Variants in TAFA1 observed in about 807,000 individuals in gnomAD.
TAFA1 encodes the protein TAFA chemokine like family member 1, also known as chemokine-like protein TAFA-1.
In TAFA1, 4 loss-of-function variants were observed where a neutral mutation model predicts 18.5. The observed-to-expected ratio is 0.22, with a 90% CI of 0.11 to 0.49. The LOEUF is 0.49. TAFA1 is among the 20% of genes least tolerant of loss of function. The pLI is 0.98. For missense variants in TAFA1, 147 were observed against 169.0 expected, an observed-to-expected ratio of 0.87 and a Z score of 0.72; for synonymous variants, 56 against 55.2, an observed-to-expected ratio of 1.01 and a Z score of -0.06.
chr3:68,376,167 AAAAGGGAC>A (rs1231565532), intron 2 of TAFA1, among the ~76,000 whole-genome samples: 2 of 152,118 alleles, frequency 1.3e-5, no homozygotes, highest in East Asian at 3.9e-4. Context: ...TCTTGAGCTG[AAAAGGGAC>A]ATTTCATTGC....
chr3:68,143,003 T>C (rs2065689256), intron 2 of TAFA1, among the ~76,000 whole-genome samples: 1 of 152,138 alleles, frequency 6.6e-6, no homozygotes, highest in Non-Finnish European at 1.5e-5. Flanking sequence ...TCGATTGCTC[T>C]GGAAGACTCT....
chr3:68,316,318 A>C (rs2068604489), intron 2 of TAFA1, among the ~76,000 whole-genome samples: 1 of 152,204 alleles, frequency 6.6e-6, no homozygotes, highest in African/African-American at 2.4e-5. Flanking sequence ...TGGTTAAATA[A>C]ATTTAGAATG....
chr3:68,115,597 G>A (rs1379254131), intron 2 of TAFA1, among the ~76,000 whole-genome samples: 1 of 152,170 alleles, frequency 6.6e-6, no homozygotes, highest in Non-Finnish European at 1.5e-5. Flanking sequence ...ACCCACATTA[G>A]CTAAGGTGCT....
At chr3:68,477,529 C>T (rs2072124562) in intron 3 of TAFA1, among the ~76,000 whole-genome samples, 1 of 152,062 alleles carries the variant, frequency 6.6e-6, no homozygotes, top group Non-Finnish European at 1.5e-5. Flanking sequence ...CATGTGCCAA[C>T]ATGCTTGGCT....
intron 2 of TAFA1, among the ~76,000 whole-genome samples, chr3:68,398,614 T>C (rs1325566428): frequency 6.6e-6 from 1 of 152,182 alleles, no homozygotes; most frequent in Non-Finnish European, 1.5e-5. Context: ...CTCATTAACC[T>C]GAATATAGTT....
chr3:68,474,784 C>T (rs1441639342), intron 3 of TAFA1, among the ~76,000 whole-genome samples: 1 of 152,160 alleles, frequency 6.6e-6, no homozygotes, highest in African/African-American at 2.4e-5. Context: ...CACAAATCAT[C>T]ACTAATATAT....
intron 2 of TAFA1, among the ~76,000 whole-genome samples, chr3:68,146,241 A>G (rs2065738885): frequency 6.6e-6 from 1 of 152,178 alleles, no homozygotes; most frequent in Admixed American, 6.5e-5. Flanking sequence ...GGACCCTGAG[A>G]TTCTGCCATT....
rs751721681 is a variant in TAFA1 at position 68,196,040 on chromosome 3, GA to G, written c.118+189300del. Among the ~76,000 whole-genome samples, 8 of 151,812 alleles carry G rather than the reference GA, an allele frequency of 5.3e-5. No individual in the cohort carries two copies. The East Asian group carries it at 1.4e-3, about 26-fold the overall frequency. On this transcript the variant is annotated intron_variant, in intron 2 of 4. Coordinates refer to ENST00000478136, the MANE Select transcript of TAFA1 (RefSeq NM_213609.4). ...AGTTTTAGAGACAGCTGGGCTTTTA[GA>G]AAATGGGCCACAGATCACAAAGCTG...
chr3:68,251,513 T>C (rs1013318819), intron 2 of TAFA1, among the ~76,000 whole-genome samples: 1 of 151,964 alleles, frequency 6.6e-6, no homozygotes, highest in African/African-American at 2.4e-5. Context: ...AAAACAAAGA[T>C]TTGCATTTCA....
At chr3:68,158,418 G>T (rs1056296662) in intron 2 of TAFA1, among the ~76,000 whole-genome samples, 5 of 151,980 alleles carry the variant, frequency 3.3e-5, no homozygotes, top group African/African-American at 1.2e-4. Flanking sequence ...GGTGTAAGTT[G>T]TATGACTTGC....
At chr3:68,336,946 A>T (rs1402278019) in intron 2 of TAFA1, among the ~76,000 whole-genome samples, 3 of 151,604 alleles carry the variant, frequency 2.0e-5, no homozygotes, top group African/African-American at 7.3e-5. Flanking sequence ...CTGGTCTCAA[A>T]CTCCTGACCT....
At chr3:68,284,311 A>G (rs547433848) in intron 2 of TAFA1, among the ~76,000 whole-genome samples, 14 of 152,302 alleles carry the variant, frequency 9.2e-5, no homozygotes, top group Middle Eastern at 3.4e-3. Flanking sequence ...CAAATCCATC[A>G]GAATGGCCAA....
rs75645189 is a variant in TAFA1 at position 68,476,630 on chromosome 3, C to T, written c.259+59210C>T. ...GCTTCATAGATATCTATTTCTTATT[C>T]AATAATTGTGGCTAAAAGATATGCT... On this transcript the variant is annotated intron_variant, in intron 3 of 4. Transcript: ENST00000478136. Among the ~76,000 whole-genome samples the T allele has an allele frequency of 1.6e-3, 239 of 152,244 alleles. 5 individuals are homozygous for T. In the East Asian group the frequency reaches 0.042, roughly 26 times the overall value.
intron 2 of TAFA1, among the ~76,000 whole-genome samples, chr3:68,221,552 T>G (rs955059811): frequency 1.3e-5 from 2 of 152,226 alleles, no homozygotes; most frequent in Non-Finnish European, 2.9e-5. Flanking sequence ...ATATTGTTTC[T>G]GTTCCTAAAT....
chr3:68,177,029 T>G (rs1232261646), intron 2 of TAFA1, among the ~76,000 whole-genome samples: 1 of 152,218 alleles, frequency 6.6e-6, no homozygotes, highest in Non-Finnish European at 1.5e-5. Context: ...TTCACCGAAG[T>G]CTTCATAGAC....
intron 2 of TAFA1, among the ~76,000 whole-genome samples, chr3:68,146,632 T>C (rs1199468887): frequency 4.6e-5 from 7 of 152,246 alleles, no homozygotes; most frequent in Non-Finnish European, 4.4e-5. Flanking sequence ...TACTCTAGAA[T>C]TCCCCTTAAG....
At chr3:68,196,828 A>G (rs2066416529) in intron 2 of TAFA1, among the ~76,000 whole-genome samples, 2 of 151,762 alleles carry the variant, frequency 1.3e-5, no homozygotes, top group Non-Finnish European at 2.9e-5. Flanking sequence ...GGCCCTGTTT[A>G]GCTCATTTAC....
At chr3:68,428,880 C>G (rs765895594) in intron 3 of TAFA1, among the ~76,000 whole-genome samples, 3 of 151,942 alleles carry the variant, frequency 2.0e-5, no homozygotes, top group Non-Finnish European at 4.4e-5. Flanking sequence ...TGCCTATGCA[C>G]TAATTTTGCT....
upstream of TAFA1, among the ~76,000 whole-genome samples, chr3:68,002,180 T>G (rs1478296690): frequency 6.6e-6 from 1 of 152,204 alleles, no homozygotes; most frequent in Non-Finnish European, 1.5e-5. Flanking sequence ...TCTTACATTA[T>G]TAGGACAAAT....
Sources: gnomAD v4.1 joint callset for allele counts (sites outside exome capture counted in the v4.1 genomes callset) on GRCh38, gnomAD v4.1.1 for gene constraint, MANE v1.5 for transcripts, NCBI Gene and HGNC (gene_info 2026-07-23, HGNC 2026-07-21) for gene names.